Variants in PTPRN2 observed in about 807,000 individuals in gnomAD.
PTPRN2 encodes receptor-type tyrosine-protein phosphatase N2.
In PTPRN2, 74 loss-of-function variants were observed where a neutral mutation model predicts 118.8. The ratio of observed to expected loss-of-function variants is 0.62; its 90% CI spans 0.52 to 0.76. The LOEUF (loss-of-function observed/expected upper bound fraction) is 0.76. Ranked by LOEUF, PTPRN2 falls within the 30% of genes least tolerant of loss-of-function variation. The probability of loss-of-function intolerance (pLI) is 0.00; values close to 1 mark genes in which losing one functional copy is unlikely to be tolerated. For missense variants in PTPRN2, 1,481 were observed against 1,394.4 expected (o/e 1.06, Z -0.99); for synonymous variants, 641 against 608.0 (o/e 1.05, Z -0.80).
At chr7:157,694,538 G>A (rs1369968586) in intron 12 of PTPRN2, among the ~76,000 whole-genome samples, 1 of 152,166 alleles carries the variant, frequency 6.6e-6, no homozygotes, top group Admixed American at 6.5e-5. Flanking sequence ...AGAAGAACGC[G>A]TTTGTATTTG....
chr7:158,079,559 G>T (rs564558482), intron 11 of PTPRN2, among the ~76,000 whole-genome samples: 1 of 152,316 alleles, frequency 6.6e-6, no homozygotes. Context: ...CATCCTTGAG[G>T]TCCTGCAAAC....
intron 3 of PTPRN2, among the ~76,000 whole-genome samples, chr7:158,295,701 T>C (rs1379852396): frequency 2.2e-5 from 3 of 137,212 alleles, no homozygotes; most frequent in African/African-American, 5.6e-5. Context: ...GTGGTTCACC[T>C]GCCTTTCTGA....
In PTPRN2 at chr7:158,155,454, TCATCACCATCATCATCAC is replaced by T. The variant is rs1330660994; in HGVS notation, c.910+11459_910+11476del. 1.2e-3 allele frequency among the ~76,000 whole-genome samples: 186 copies of T among 151,408 alleles called. 1 individual carries two copies. The highest frequency in any genetic ancestry group is 3.5e-3 in the Admixed American group (53 of 15,196). On this transcript the variant is annotated intron_variant, in intron 6 of 22. Transcript: ENST00000389418. ...AGTAGCACCACCATCACCAACACCA[TCATCACCATCATCATCAC>T]CATCACCATCATCATCACCATCACC...
chr7:158,011,300 T>G (rs1453763020), intron 11 of PTPRN2, among the ~76,000 whole-genome samples: 1 of 152,240 alleles, frequency 6.6e-6, no homozygotes, highest in Non-Finnish European at 1.5e-5. Flanking sequence ...AGTCTATGTC[T>G]CCCGGTGATT....
intron 11 of PTPRN2, among the ~76,000 whole-genome samples, chr7:158,069,536 G>A (rs1811049109): frequency 6.8e-6 from 1 of 146,206 alleles, no homozygotes; most frequent in African/African-American, 2.6e-5. Context: ...GAGATGACAG[G>A]CTCGGCCGCC....
intron 3 of PTPRN2, among the ~76,000 whole-genome samples, chr7:158,292,600 C>A (rs1345910818): frequency 1.3e-5 from 2 of 151,928 alleles, no homozygotes; most frequent in Non-Finnish European, 2.9e-5. Flanking sequence ...CACTTACGCA[C>A]CCCCAGATGG....
In PTPRN2 at chr7:157,903,867, T is replaced by C. The variant is rs1454592811; in HGVS notation, c.1724-5130A>G. On this transcript the variant is annotated intron_variant, in intron 11 of 22. Transcript: ENST00000389418. This position sits in a 1 kb window ranked among gnomAD's most constrained non-coding sequence, Gnocchi z 4.2. ...TCCCCATCCAGGCTGTGGATTTCCATGCACGCTTCACAAGCAGCTGTGAGG... is the reference window on the plus strand; with the variant it reads ...TCCCCATCCAGGCTGTGGATTTCCACGCACGCTTCACAAGCAGCTGTGAGG... Among the ~76,000 whole-genome samples, 1 of 152,196 alleles carries C rather than the reference T, an allele frequency of 6.6e-6. No individual in the cohort carries two copies. The highest frequency in any genetic ancestry group is 1.5e-5 in the Non-Finnish European group (1 of 68,040).
chr7:158,187,519 T>C (rs4909127), intron 5 of PTPRN2, among the ~76,000 whole-genome samples: 98,550 of 152,084 alleles, frequency 0.65, 32,584 homozygotes, highest in East Asian at 0.85. Flanking sequence ...CTGCAGCCTC[T>C]GGTCACGCAC....
At chr7:157,736,470 G>A (rs1029093127) in intron 12 of PTPRN2, among the ~76,000 whole-genome samples, 1 of 152,184 alleles carries the variant, frequency 6.6e-6, no homozygotes, top group Admixed American at 6.5e-5. Flanking sequence ...CCTGCACCAG[G>A]GAAAGGCCGT....
intron 12 of PTPRN2, among the ~76,000 whole-genome samples, chr7:157,817,356 C>T (rs1026009437): frequency 8.5e-5 from 13 of 152,146 alleles, no homozygotes; most frequent in African/African-American, 3.1e-4. Flanking sequence ...TGACAAACCC[C>T]CCTTTTGACT....
intron 12 of PTPRN2, among the ~76,000 whole-genome samples, chr7:157,731,306 T>A (rs1301191342): frequency 3.3e-5 from 5 of 152,186 alleles, no homozygotes; most frequent in Non-Finnish European, 7.4e-5. Flanking sequence ...TACAGCCTAG[T>A]TGCATCGTGT....
chr7:158,199,714 G>A (rs897819283), intron 4 of PTPRN2, among the ~76,000 whole-genome samples: 1 of 152,186 alleles, frequency 6.6e-6, no homozygotes, highest in Non-Finnish European at 1.5e-5. Flanking sequence ...ACCCATGCAA[G>A]AATTCAAAGG....
Position 158,517,745 on chromosome 7 carries a change from G to A in PTPRN2, c.113-27960C>T, listed in dbSNP as rs1823676304. The stretch of plus-strand genomic sequence containing the variant: ...CGCTTCCAGACTCATCCCCACCATA[G>A]CCAGGCAGGCCTCCAGATGCCTCCA... On this transcript the variant is annotated intron_variant, in intron 1 of 22. Coordinates refer to ENST00000389418, the MANE Select transcript of PTPRN2 (RefSeq NM_002847.5). The surrounding 1 kb of genome is among the most constrained non-coding windows in gnomAD (Gnocchi z 5.3). 6.6e-6 allele frequency among the ~76,000 whole-genome samples: 1 copy of A among 151,046 alleles called. No homozygotes were observed. Among genetic ancestry groups the A allele is most frequent in the Admixed American group, 6.6e-5 (1 of 15,152 alleles).
chr7:158,040,405 C>G (rs1180202109), intron 11 of PTPRN2, among the ~76,000 whole-genome samples: 1 of 149,634 alleles, frequency 6.7e-6, no homozygotes, highest in Non-Finnish European at 1.5e-5. Context: ...ACTTCACACA[C>G]ACACACACAC....
chr7:158,034,387 G>C (rs1405132858), intron 11 of PTPRN2, among the ~76,000 whole-genome samples: 3 of 152,236 alleles, frequency 2.0e-5, no homozygotes, highest in Non-Finnish European at 4.4e-5. Context: ...GACCCCAGTG[G>C]GAGGTACCTG....
chr7:158,071,354 G>A (rs868784753), intron 11 of PTPRN2, among the ~76,000 whole-genome samples: 267 of 118,520 alleles, frequency 2.3e-3, no homozygotes, highest in Non-Finnish European at 3.7e-3. Context: ...TGCTCGTGGT[G>A]GTGGAGGTGC....
chr7:158,491,461 T>C (rs1042201905), intron 1 of PTPRN2, among the ~76,000 whole-genome samples: 6 of 152,224 alleles, frequency 3.9e-5, no homozygotes, highest in African/African-American at 9.6e-5. Flanking sequence ...AGTTTTTGTT[T>C]GTTTTGTTTT....
At chr7:158,415,330 CAG>C (rs1366369846) in intron 2 of PTPRN2, among the ~76,000 whole-genome samples, 2 of 152,350 alleles carry the variant, frequency 1.3e-5, no homozygotes. Context: ...TTTCCTTCCT[CAG>C]GGGAGAGAGC....
At chr7:158,331,542 A>C (rs1401499754) in intron 2 of PTPRN2, among the ~76,000 whole-genome samples, 4 of 144,470 alleles carry the variant, frequency 2.8e-5, no homozygotes, top group Non-Finnish European at 6.0e-5. Context: ...CTGTCACCAT[A>C]AGAGCTGACA....
Sources: allele counts gnomAD v4.1 joint callset (sites outside exome capture counted in the v4.1 genomes callset), GRCh38; gene constraint gnomAD v4.1.1; non-coding constraint Gnocchi (gnomAD v3.1); transcripts MANE v1.5; gene names NCBI Gene and HGNC (gene_info 2026-07-23, HGNC 2026-07-21).